NCDN: variants seen among roughly 807,000 people sequenced by gnomAD.
The protein encoded by NCDN is norbin.
In NCDN, 9 loss-of-function variants were observed where a neutral mutation model predicts 60.7. That is an observed-to-expected ratio of 0.15 (90% confidence interval 0.09 to 0.26). The LOEUF (loss-of-function observed/expected upper bound fraction) is 0.26. NCDN is among the 10% of genes least tolerant of loss of function. NCDN has a pLI of 1.00. For synonymous variants in NCDN, 409 were observed against 442.5 expected, an observed-to-expected ratio of 0.92 and a Z score of 0.95; for missense variants, 578 against 975.2, an observed-to-expected ratio of 0.59 and a Z score of 5.42.
chr1:35,565,193 C>T lies in NCDN; in HGVS notation c.1754-34C>T, dbSNP rs745965485. 19 of 1,568,294 alleles carry T rather than the reference C, an allele frequency of 1.2e-5. No individual in the cohort carries two copies. Among genetic ancestry groups the T allele is most frequent in the East Asian group, 6.8e-5 (3 of 44,370 alleles). On this transcript the variant is annotated intron_variant, in intron 6 of 6. Transcript: ENST00000373243. This position sits in a 1 kb window ranked among gnomAD's most constrained non-coding sequence, Gnocchi z 8.9. ...GGTCTGACACAGCAGCTGGCCTGTC[C>T]GATTCATGCCCCACTCCTTCCGTTA...
Position 35,562,419 on chromosome 1 carries a change from T to G in NCDN, c.1171T>G (p.Phe391Val). The change falls in exon 4 of 7, where the codon TTT becomes GTT. Residue 391 changes from phenylalanine (F) to valine (V), a missense_variant. Around this residue, in one of 3 missense-constraint regions of NCDN, gnomAD observed 363 missense variants for 583.6 expected, o/e 0.62. Transcript: ENST00000373243. The surrounding 1 kb of genome is among the most constrained non-coding windows in gnomAD (Gnocchi z 6.8). ...GGGGTCAGAGAAGCAGAAGGAGCCC[T>G]TTGTGTTTGCCTCGGTGCGGATCCT... ...QVGSEKQKEP[F>V]VFASVRILGA... The G allele has an allele frequency of 6.2e-7, 1 of 1,614,152 alleles. No homozygotes were observed. Among genetic ancestry groups the G allele is most frequent in the Non-Finnish European group, 8.5e-7 (1 of 1,180,004 alleles).
In NCDN at chr1:35,560,927, G is replaced by A. The variant is rs772400383; in HGVS notation, c.776G>A (p.Arg259Gln). ...ACAACCGTGCCCCCTGAATGCTACCGGGATCTGCAGGCCGGGCTGGCACGC... is the reference window on the plus strand; with the variant it reads ...ACAACCGTGCCCCCTGAATGCTACCAGGATCTGCAGGCCGGGCTGGCACGC... The part of the protein sequence containing the change: ...PPTTVPPECY[R>Q]DLQAGLARIL... Residue 259 changes from arginine (R) to glutamine (Q), a missense_variant, in exon 3 of 7, where the codon CGG becomes CAG. Arg to Gln is a conservative substitution (Grantham distance 43). Transcript: ENST00000373243. The surrounding 1 kb of genome is among the most constrained non-coding windows in gnomAD (Gnocchi z 7.6). 1.4e-5 allele frequency: 23 copies of A among 1,613,688 alleles called. No homozygotes were observed. Among genetic ancestry groups the A allele is most frequent in the Admixed American group, 8.3e-5 (5 of 60,006 alleles).
chr1:35,562,698 C>T lies in NCDN; in HGVS notation c.1385+65C>T, dbSNP rs1571085638. 6.5e-7 allele frequency: 1 copy of T among 1,528,636 alleles called. No individual in the cohort carries two copies. Among genetic ancestry groups the T allele is most frequent in the Middle Eastern group, 1.7e-4 (1 of 5,760 alleles). The allele number at this position is 1,528,636 out of a possible 1,614,324, so 94.7% of individuals were successfully genotyped here. On this transcript the variant is annotated intron_variant, in intron 4 of 6. Coordinates refer to ENST00000373243, the MANE Select transcript of NCDN (RefSeq NM_014284.3). This position sits in a 1 kb window ranked among gnomAD's most constrained non-coding sequence, Gnocchi z 6.8. ...ACCGAAAAGCGTTAACACAAGGACA[C>T]CCCTCCCCACAAACTGAGCTGTGCC...
At position 35,560,596 on chromosome 1, in the gene NCDN, C is replaced by T. The variant is rs767974563; in HGVS notation, c.445C>T (p.Arg149Cys). The change falls in exon 3 of 7, where the codon CGC becomes TGC. Residue 149 changes from arginine to cysteine, a missense_variant. Around this residue, in one of 3 missense-constraint regions of NCDN, gnomAD observed 363 missense variants for 583.6 expected, o/e 0.62. Coordinates refer to ENST00000373243, the MANE Select transcript of NCDN (RefSeq NM_014284.3). This position sits in a 1 kb window ranked among gnomAD's most constrained non-coding sequence, Gnocchi z 7.6. Reference sequence around the variant, plus strand: ...GGGGGACCCGGACGATGCTGCCCGCCGCTCCATGATTGATGACACCTACCA... The same window carrying T: ...GGGGGACCCGGACGATGCTGCCCGCTGCTCCATGATTGATGACACCTACCA... The part of the protein sequence containing the change: ...ARGDPDDAAR[R>C]SMIDDTYQCL... 29 of 1,613,512 alleles carry T rather than the reference C, an allele frequency of 1.8e-5. No homozygotes were observed. Among genetic ancestry groups the T allele is most frequent in the Non-Finnish European group, 2.2e-5 (26 of 1,180,046 alleles).
chr1:35,559,172 C>T lies in NCDN; in HGVS notation c.99C>T (p.Asn33=), dbSNP rs1648592756. ...EPALNQAEGR[N]PTLERYLGAL... is the part of the protein sequence containing the mutation. ...CTCTGAACCAGGCAGAGGGCCGAAA[C>T]CCCACCCTGGAGCGCTACCTGGGAG... Residue 33 remains asparagine (N), a synonymous_variant, in exon 2 of 7, where the codon AAC becomes AAT. Coordinates refer to ENST00000373243, the MANE Select transcript of NCDN (RefSeq NM_014284.3). 1 of 1,614,010 alleles carries T rather than the reference C, an allele frequency of 6.2e-7. No individual in the cohort carries two copies. The highest frequency in any genetic ancestry group is 2.2e-5 in the East Asian group (1 of 44,858).
Position 35,558,449 on chromosome 1 carries a change from C to A in NCDN, c.33+226C>A. 1 of 1,439,478 alleles carries A rather than the reference C, an allele frequency of 6.9e-7. No homozygotes were observed. The highest frequency in any genetic ancestry group is 2.7e-5 in the Admixed American group (1 of 37,000). The allele number at this position is 1,439,478 out of a possible 1,614,324, so 89.2% of individuals were successfully genotyped here. On this transcript the variant is annotated intron_variant, in intron 1 of 6. Transcript: ENST00000373243. The surrounding 1 kb of genome is among the most constrained non-coding windows in gnomAD (Gnocchi z 6.3). Reference sequence around the variant, plus strand: ...GCTGCCGCCGCCGCTGCTGCTGCTGCTGCAGCCTCTACCCGAGGGAGGGAA... The same window carrying A: ...GCTGCCGCCGCCGCTGCTGCTGCTGATGCAGCCTCTACCCGAGGGAGGGAA...
chr1:35,561,097 G>A lies in NCDN; in HGVS notation c.946G>A (p.Val316Met), dbSNP rs1216343677. ...FLALLVNLAC[V>M]EVRLALEETG... ...GGCCCTGCTGGTGAATCTGGCGTGC[G>A]TGGAAGTGCGGCTGGCACTGGAGGA... Residue 316 changes from valine (V) to methionine (M), a missense_variant, in exon 3 of 7, where the codon GTG (valine) becomes ATG (methionine). Val to Met is a conservative substitution (Grantham distance 21). Transcript: ENST00000373243. The surrounding 1 kb of genome is among the most constrained non-coding windows in gnomAD (Gnocchi z 4.9). 9.9e-6 allele frequency: 16 copies of A among 1,613,764 alleles called. No homozygotes were observed. Among genetic ancestry groups the A allele is most frequent in the East Asian group, 8.9e-5 (4 of 44,888 alleles).
At position 35,563,639 on chromosome 1, in the gene NCDN, C is replaced by A; in HGVS notation, c.1611-128C>A. ...TCTCAGCATGTCTGCTTGTTCCAAT[C>A]TCTGCCCCCCAGATGCTATGTTTGG... On this transcript the variant is annotated intron_variant, in intron 5 of 6. Transcript: ENST00000373243. The surrounding 1 kb of genome is among the most constrained non-coding windows in gnomAD (Gnocchi z 6.6). 2 of 1,205,364 alleles carry A rather than the reference C, an allele frequency of 1.7e-6. No individual in the cohort carries two copies. Among genetic ancestry groups the A allele is most frequent in the Non-Finnish European group, 2.4e-6 (2 of 849,240 alleles). The allele number at this position is 1,205,364 out of a possible 1,614,324, so 74.7% of individuals were successfully genotyped here.
intron 2 of NCDN, 37 bp downstream of exon 2, chr1:35,559,284 C>T (rs1278242827): frequency 6.2e-7 from 1 of 1,612,908 alleles, no homozygotes; most frequent in Non-Finnish European, 8.5e-7. Context: ...GTGGGAAGGG[C>T]TGGGTGGTTG....
chr1:35,563,376 C>G lies in NCDN; in HGVS notation c.1560C>G (p.Thr520=), dbSNP rs1648767212. 1 of 1,614,216 alleles carries G rather than the reference C, an allele frequency of 6.2e-7. No homozygotes were observed. Among genetic ancestry groups the G allele is most frequent in the Non-Finnish European group, 8.5e-7 (1 of 1,180,040 alleles). ...ACAGCGTGGAGATTGGCCTGCAGAC[C>G]TGCTGCCACATCTTCCTCAACCTCG... ...LPDSVEIGLQ[T]CCHIFLNLVV... is the part of the protein sequence containing the mutation. Residue 520 remains threonine, a synonymous_variant, in exon 5 of 7, where the codon ACC becomes ACG. Transcript: ENST00000373243. This position sits in a 1 kb window ranked among gnomAD's most constrained non-coding sequence, Gnocchi z 6.6.
intron 6 of NCDN, among the ~76,000 whole-genome samples, chr1:35,564,228 C>A (rs955479012): frequency 6.6e-6 from 1 of 152,332 alleles, no homozygotes; most frequent in African/African-American, 2.4e-5. Context: ...GAGCCGCCCC[C>A]ACCCAGGCCT....
At position 35,563,708 on chromosome 1, in the gene NCDN, C is replaced by T; in HGVS notation, c.1611-59C>T. ...CTACTGCCTAATTTCTTGCCAAGGG[C>T]TTGATTTGGCTGTACTAGACCCCCA... On this transcript the variant is annotated intron_variant, in intron 5 of 6. Coordinates refer to ENST00000373243, the MANE Select transcript of NCDN (RefSeq NM_014284.3). This position sits in a 1 kb window ranked among gnomAD's most constrained non-coding sequence, Gnocchi z 6.6. 1.3e-6 allele frequency: 2 copies of T among 1,586,920 alleles called. No homozygotes were observed. Among genetic ancestry groups the T allele is most frequent in the South Asian group, 1.1e-5 (1 of 87,604 alleles).
chr1:35,562,708 C>T lies in NCDN; in HGVS notation c.1385+75C>T. On this transcript the variant is annotated intron_variant, in intron 4 of 6. Transcript: ENST00000373243. The surrounding 1 kb of genome is among the most constrained non-coding windows in gnomAD (Gnocchi z 6.8). ...GTTAACACAAGGACACCCCTCCCCA[C>T]AAACTGAGCTGTGCCAGGCTTCCTG... The T allele has an allele frequency of 1.3e-6, 2 of 1,511,176 alleles. No homozygotes were observed. Among genetic ancestry groups the T allele is most frequent in the East Asian group, 4.8e-5 (2 of 42,032 alleles). 93.6% of individuals were successfully genotyped at this position (1,511,176 alleles called of 1,614,324 possible).
At position 35,562,565 on chromosome 1, in the gene NCDN, C is replaced by T; in HGVS notation, c.1317C>T (p.Ser439=). 1 of 1,614,048 alleles carries T rather than the reference C, an allele frequency of 6.2e-7. No individual in the cohort carries two copies. The highest frequency in any genetic ancestry group is 8.5e-7 in the Non-Finnish European group (1 of 1,179,974). Residue 439 remains serine, a synonymous_variant, in exon 4 of 7, where the codon TCC becomes TCT. Coordinates refer to ENST00000373243, the MANE Select transcript of NCDN (RefSeq NM_014284.3). This position sits in a 1 kb window ranked among gnomAD's most constrained non-coding sequence, Gnocchi z 6.8. ...AGGCCGAGGAGGCCAATGACCTTTC[C>T]CAGCAGGTGGCCAACCTGGCCATCT... ...YEEAEEANDL[S]QQVANLAISP... is the part of the protein sequence containing the mutation.
Position 35,562,742 on chromosome 1 carries a change from A to T in NCDN, c.1385+109A>T, listed in dbSNP as rs1026896006. ...CTGTGCCAGGCTTCCTGATTGGGCC[A>T]TGAGATATCCCTTAGGGTTATTTCT... On this transcript the variant is annotated intron_variant, in intron 4 of 6. Coordinates refer to ENST00000373243, the MANE Select transcript of NCDN (RefSeq NM_014284.3). This position sits in a 1 kb window ranked among gnomAD's most constrained non-coding sequence, Gnocchi z 6.8. The T allele has an allele frequency of 1.8e-5, 25 of 1,405,186 alleles. No individual in the cohort carries two copies. Among genetic ancestry groups the T allele is most frequent in the Admixed American group, 2.5e-5 (1 of 39,590 alleles). 87.0% of individuals were successfully genotyped at this position (1,405,186 alleles called of 1,614,324 possible).
chr1:35,558,037 A>G lies in NCDN; in HGVS notation c.-154A>G. The G allele has an allele frequency of 8.6e-7, 1 of 1,158,100 alleles. No homozygotes were observed. The highest frequency in any genetic ancestry group is 2.2e-5 in the Admixed American group (1 of 44,934). The allele number at this position is 1,158,100 out of a possible 1,614,324, so 71.7% of individuals were successfully genotyped here. A position where few individuals can be genotyped will look rare whatever the true frequency, so the allele number is the denominator to read the frequency against. On this transcript the variant is annotated 5_prime_UTR_variant, in exon 1 of 7. Coordinates refer to ENST00000373243, the MANE Select transcript of NCDN (RefSeq NM_014284.3). This position sits in a 1 kb window ranked among gnomAD's most constrained non-coding sequence, Gnocchi z 6.3. ...TGCCCTGTCGAGACTCCATTTTGTC[A>G]CAGCCCTTTTCAATATATATCTTTT...
Position 35,562,661 on chromosome 1 carries a change from C to A in NCDN, c.1385+28C>A, listed in dbSNP as rs1455214690. On this transcript the variant is annotated intron_variant, in intron 4 of 6. Transcript: ENST00000373243. This position sits in a 1 kb window ranked among gnomAD's most constrained non-coding sequence, Gnocchi z 6.8. ...GAGTCTGTAGTTACAGTCTGTCCAG[C>A]TAGATCATTCTACCGAAAAGCGTTA... 2 of 1,592,670 alleles carry A rather than the reference C, an allele frequency of 1.3e-6. No individual in the cohort carries two copies. Among genetic ancestry groups the A allele is most frequent in the East Asian group, 2.2e-5 (1 of 44,466 alleles).
In NCDN at chr1:35,560,071, C is replaced by T. The variant is rs1440342747; in HGVS notation, c.175-255C>T. On this transcript the variant is annotated intron_variant, in intron 2 of 6. Transcript: ENST00000373243. The surrounding 1 kb of genome is among the most constrained non-coding windows in gnomAD (Gnocchi z 7.6). Reference sequence around the variant, plus strand: ...ACATCAGGAAGAACTTCTCAACTGGCCAGGTGTTGAAATGCTCAAATGAAT... The same window carrying T: ...ACATCAGGAAGAACTTCTCAACTGGTCAGGTGTTGAAATGCTCAAATGAAT... Among the ~76,000 whole-genome samples the T allele has an allele frequency of 1.3e-5, 2 of 152,084 alleles. No homozygotes were observed. Among genetic ancestry groups the T allele is most frequent in the African/African-American group, 4.8e-5 (2 of 41,380 alleles).
chr1:35,565,071 C>T lies in NCDN; in HGVS notation c.1754-156C>T. 1 of 706,560 alleles carries T rather than the reference C, an allele frequency of 1.4e-6. No individual in the cohort carries two copies. The highest frequency in any genetic ancestry group is 2.3e-6 in the Non-Finnish European group (1 of 427,632). 43.8% of individuals were successfully genotyped at this position (706,560 alleles called of 1,614,324 possible). On this transcript the variant is annotated intron_variant, in intron 6 of 6. Coordinates refer to ENST00000373243, the MANE Select transcript of NCDN (RefSeq NM_014284.3). This position sits in a 1 kb window ranked among gnomAD's most constrained non-coding sequence, Gnocchi z 8.9. The stretch of plus-strand genomic sequence containing the variant: ...CCCAGAAAAGTTAATTACCCAAGGT[C>T]ACACAGTGAGCATCTAAGGCAGGGT...
Sources: gnomAD v4.1 joint callset for allele counts (sites outside exome capture counted in the v4.1 genomes callset) on GRCh38, gnomAD v4.1.1 for gene constraint, gnomAD v4.1.1 regional missense constraint, Gnocchi (gnomAD v3.1) non-coding constraint, MANE v1.5 for transcripts, NCBI Gene and HGNC (gene_info 2026-07-23, HGNC 2026-07-21) for gene names.